LRRFIP2: variants seen among roughly 807,000 people sequenced by gnomAD.
LRRFIP2 encodes the protein LRR binding FLII interacting protein 2.
Under a neutral mutation model 125.9 loss-of-function variants are expected in LRRFIP2, and 109 were observed. The ratio of observed to expected loss-of-function variants is 0.87; its 90% CI spans 0.74 to 1.01. The LOEUF (loss-of-function observed/expected upper bound fraction) is 1.01. LRRFIP2 is among the 50% of genes least tolerant of loss of function. The pLI is 0.00. For missense variants in LRRFIP2, 850 were observed against 862.3 expected (o/e 0.99, Z 0.18); for synonymous variants, 291 against 293.1 (o/e 0.99, Z 0.07).
Position 37,112,961 on chromosome 3 carries a change from G to T in LRRFIP2, c.392C>A (p.Ser131Tyr). The T allele has an allele frequency of 6.3e-7, 1 of 1,580,204 alleles. No homozygotes were observed. Residue 131 changes from serine (S) to tyrosine (Y), a missense_variant, in exon 8 of 28, where the codon TCT becomes TAT. By Grantham distance (144) the Ser-to-Tyr change is moderately radical (BLOSUM62 -2). Coordinates refer to ENST00000336686, the MANE Select transcript of LRRFIP2 (RefSeq NM_006309.4). ...LSSLNHSYSHSHGMKKRSSDS... is the reference protein window; with the variant it reads ...LSSLNHSYSHYHGMKKRSSDS... ...AGAAGACCTCTTCTTCATTCCATGA[G>T]AGTGACTGTAAGAATGATTCTGGAA...
At chr3:37,087,959 A>T (rs1015311727) in intron 18 of LRRFIP2, among the ~76,000 whole-genome samples, 1 of 152,188 alleles carries the variant, frequency 6.6e-6, no homozygotes, top group East Asian at 1.9e-4. Context: ...TCTCCTGGGA[A>T]CTGGGTAAAA....
intron 6 of LRRFIP2, among the ~76,000 whole-genome samples, chr3:37,119,857 T>C (rs2094947732): frequency 2.6e-5 from 4 of 151,970 alleles, no homozygotes; most frequent in Admixed American, 2.6e-4. Flanking sequence ...ACAGGGGTTT[T>C]TGCCATGTTG....
At chr3:37,095,139 T>C (rs545249922) in intron 16 of LRRFIP2, among the ~76,000 whole-genome samples, 1 of 152,326 alleles carries the variant, frequency 6.6e-6, no homozygotes, top group South Asian at 2.1e-4. Context: ...TCAAAATCTA[T>C]AATTCGTAAT....
intron 1 of LRRFIP2, among the ~76,000 whole-genome samples, chr3:37,158,458 A>G (rs1055831312): frequency 1.1e-4 from 17 of 151,672 alleles, no homozygotes; most frequent in Admixed American, 7.2e-4. Context: ...AATACAAAAA[A>G]TAGCCAGGCA....
chr3:37,146,013 C>A (rs1179188035), intron 2 of LRRFIP2, among the ~76,000 whole-genome samples: 1 of 152,132 alleles, frequency 6.6e-6, no homozygotes, highest in East Asian at 1.9e-4. Context: ...CAGCACTCAG[C>A]AAGTGCTGGA....
intron 19 of LRRFIP2, among the ~76,000 whole-genome samples, chr3:37,078,152 G>A (rs1199609238): frequency 6.6e-6 from 1 of 151,980 alleles, no homozygotes; most frequent in African/African-American, 2.4e-5. Context: ...AATTTATCAT[G>A]TTTTTTAATG....
At chr3:37,126,634 G>A (rs1218119627) in intron 4 of LRRFIP2, among the ~76,000 whole-genome samples, 1 of 151,748 alleles carries the variant, frequency 6.6e-6, no homozygotes, top group African/African-American at 2.4e-5. Flanking sequence ...CGAGGCGGGC[G>A]GATCACCTGA....
chr3:37,059,067 C>T (rs1386375456), intron 24 of LRRFIP2, among the ~76,000 whole-genome samples, 157 bp from the exon 25 acceptor site: 1 of 152,186 alleles, frequency 6.6e-6, no homozygotes, highest in African/African-American at 2.4e-5. Flanking sequence ...AGACACACAT[C>T]GTCCTAGGTG....
At position 37,091,551 on chromosome 3, in the gene LRRFIP2, G is replaced by A. The variant is rs1406307773; in HGVS notation, c.1036-13C>T. 1 of 1,580,176 alleles carries A rather than the reference G, an allele frequency of 6.3e-7. No homozygotes were observed. The highest frequency in any genetic ancestry group is 1.8e-5 in the Admixed American group (1 of 55,176). On this transcript the variant is annotated splice_polypyrimidine_tract_variant and intron_variant, in intron 17 of 27. Coordinates refer to ENST00000336686, the MANE Select transcript of LRRFIP2 (RefSeq NM_006309.4). Reference sequence around the variant, plus strand: ...GGTCATAGATATCCTGCAGGACATAGGAATGAACCATTGCATAAAACCATG... The same window carrying A: ...GGTCATAGATATCCTGCAGGACATAAGAATGAACCATTGCATAAAACCATG...
chr3:37,167,075 T>C (rs1037056360), intron 1 of LRRFIP2, among the ~76,000 whole-genome samples: 4 of 150,390 alleles, frequency 2.7e-5, no homozygotes, highest in African/African-American at 9.8e-5. Flanking sequence ...TACATGCCTG[T>C]GGTCCCAGCT....
chr3:37,091,249 G>A (rs1270118034), intron 18 of LRRFIP2, among the ~76,000 whole-genome samples: 2 of 151,838 alleles, frequency 1.3e-5, no homozygotes, highest in Admixed American at 1.3e-4. Context: ...AACTGTAAAT[G>A]ATATCTTCTG....
At chr3:37,106,794 C>A (rs1231210089) in intron 13 of LRRFIP2, among the ~76,000 whole-genome samples, 1 of 152,148 alleles carries the variant, frequency 6.6e-6, no homozygotes, top group Non-Finnish European at 1.5e-5. Context: ...ATTTACCTTG[C>A]AGATTTACCC....
At position 37,151,568 on chromosome 3, in the gene LRRFIP2, G is replaced by A. The variant is rs2096024462; in HGVS notation, c.-55-2530C>T. ...AAATGTAAACTAGTACAACCACTAT[G>A]GAAAACAATATGAAGATTTCTTTTT... On this transcript the variant is annotated intron_variant, in intron 1 of 27. Transcript: ENST00000336686. 2.0e-5 allele frequency among the ~76,000 whole-genome samples: 3 copies of A among 151,706 alleles called. No homozygotes were observed. The South Asian group carries it at 6.3e-4, about 32-fold the overall frequency.
intron 25 of LRRFIP2, 82 bp downstream of exon 25, chr3:37,058,708 G>A: frequency 1.5e-6 from 2 of 1,306,180 alleles, no homozygotes; most frequent in Non-Finnish European, 2.1e-6. Context: ...TGTATTACAA[G>A]ATACCAGCAA....
chr3:37,061,869 T>A (rs1319714180), intron 24 of LRRFIP2, among the ~76,000 whole-genome samples: 1 of 152,166 alleles, frequency 6.6e-6, no homozygotes, highest in African/African-American at 2.4e-5. Flanking sequence ...CACAATTTAG[T>A]TCCATGTATC....
chr3:37,171,107 C>G (rs1159227222), intron 1 of LRRFIP2: 1 of 152,290 alleles, frequency 6.6e-6, no homozygotes, highest in Non-Finnish European at 1.5e-5. Context: ...AACCTTTATT[C>G]CTTAGCTTTC....
chr3:37,105,332 C>T, intron 14 of LRRFIP2, 123 bp downstream of exon 14: 1 of 761,814 alleles, frequency 1.3e-6, no homozygotes, highest in Admixed American at 2.2e-5. Context: ...ATTTATATAA[C>T]TAAATTTGAG....
Position 37,053,673 on chromosome 3 carries a change from G to A in LRRFIP2, c.*178C>T, listed in dbSNP as rs181751641. On this transcript the variant is annotated 3_prime_UTR_variant, in exon 28 of 28. Coordinates refer to ENST00000336686, the MANE Select transcript of LRRFIP2 (RefSeq NM_006309.4). The stretch of plus-strand genomic sequence containing the variant: ...GAATCAAACTACAACAAAATCCAAA[G>A]TGTTCATTCATGTAGATTCAAAATG... The A allele has an allele frequency of 1.9e-5, 11 of 582,944 alleles. No individual in the cohort carries two copies. In the East Asian group the frequency reaches 3.2e-4, roughly 17 times the overall value. The allele number at this position is 582,944 out of a possible 1,614,324, so 36.1% of individuals were successfully genotyped here.
At chr3:37,103,441 T>C (rs1000392132) in intron 14 of LRRFIP2, among the ~76,000 whole-genome samples, 3 of 152,264 alleles carry the variant, frequency 2.0e-5, no homozygotes, top group Non-Finnish European at 2.9e-5. Flanking sequence ...GCAGGGTGTT[T>C]ACTGCACCTT....
Sources: gnomAD v4.1 joint callset for allele counts (sites outside exome capture counted in the v4.1 genomes callset) on GRCh38, gnomAD v4.1.1 for gene constraint, MANE v1.5 for transcripts, NCBI Gene and HGNC (gene_info 2026-07-23, HGNC 2026-07-21) for gene names.